The following DYSF variants were observed in gnomAD, a reference collection of about 807,000 sequenced individuals.
DYSF encodes the protein dysferlin.
Under a neutral mutation model 274.9 loss-of-function variants are expected in DYSF, and 212 were observed. The ratio of observed to expected loss-of-function variants is 0.77; its 90% CI spans 0.69 to 0.86. The LOEUF (loss-of-function observed/expected upper bound fraction) is 0.86. Among genes scored for constraint, DYSF ranks in the 40% least tolerant of loss-of-function variants. The probability of loss-of-function intolerance (pLI) is 0.00; values close to 1 mark genes in which losing one functional copy is unlikely to be tolerated. For synonymous variants in DYSF, 1,091 were observed against 1,078.7 expected (o/e 1.01, Z -0.22); for missense variants, 2,666 against 2,783.2 (o/e 0.96, Z 0.95).
intron 36 of DYSF, 127 bp from the exon 37 acceptor site, chr2:71,611,118 C>T (rs376745020): frequency 3.6e-5 from 28 of 786,772 alleles, no homozygotes; most frequent in East Asian, 2.9e-4. Context: ...TTGTCCACTT[C>T]TGTCTTTCCT....
At chr2:71,572,290 C>T (rs1477760563) in intron 29 of DYSF, among the ~76,000 whole-genome samples, 1 of 151,324 alleles carries the variant, frequency 6.6e-6, no homozygotes, top group Non-Finnish European at 1.5e-5. Context: ...ACACCTAGCA[C>T]ACCCACAGAT....
chr2:71,554,037 C>T (rs980170584), intron 21 of DYSF, 106 bp downstream of exon 21: 55 of 1,454,434 alleles, frequency 3.8e-5, no homozygotes, highest in South Asian at 2.1e-4. Flanking sequence ...CACTGACACA[C>T]GGCTGTGCCT....
chr2:71,562,561 C>T (rs918651968), intron 23 of DYSF, among the ~76,000 whole-genome samples: 2 of 152,176 alleles, frequency 1.3e-5, no homozygotes, highest in African/African-American at 2.4e-5. Flanking sequence ...TAGGCAGGTC[C>T]GGTATTTGTC....
At chr2:71,652,891 C>G (rs2094690633) in intron 42 of DYSF, among the ~76,000 whole-genome samples, 1 of 152,182 alleles carries the variant, frequency 6.6e-6, no homozygotes, top group African/African-American at 2.4e-5. Flanking sequence ...GAAGTTTAAA[C>G]AAATATGATG....
intron 3 of DYSF, among the ~76,000 whole-genome samples, chr2:71,485,191 G>A (rs59537638): frequency 0.3 from 45,968 of 152,046 alleles, 8,135 homozygotes; most frequent in East Asian, 0.84. Flanking sequence ...AAATGTGCAC[G>A]TACATTCATA....
intron 12 of DYSF, among the ~76,000 whole-genome samples, chr2:71,522,194 A>T (rs1480115536): frequency 7.8e-6 from 1 of 127,792 alleles, no homozygotes; most frequent in African/African-American, 3.0e-5. Context: ...ATTTCTCCCC[A>T]CCCCTCCTCT....
chr2:71,582,834 A>T (rs976553684), intron 30 of DYSF, among the ~76,000 whole-genome samples: 2 of 152,138 alleles, frequency 1.3e-5, no homozygotes, highest in East Asian at 3.9e-4. Flanking sequence ...TCACAGATAC[A>T]TGAGATGGAA....
At chr2:71,602,882 G>C in intron 36 of DYSF, 77 bp downstream of exon 36, 1 of 1,561,724 alleles carries the variant, frequency 6.4e-7, no homozygotes, top group Non-Finnish European at 8.7e-7. Context: ...CACACACCTG[G>C]AGCCTTCCAG....
intron 42 of DYSF, among the ~76,000 whole-genome samples, chr2:71,650,518 C>T (rs1458478919): frequency 6.6e-6 from 1 of 151,918 alleles, no homozygotes; most frequent in Non-Finnish European, 1.5e-5. Flanking sequence ...AATAAAAGGT[C>T]AGAGGATGTA....
rs1359069150 is a variant in DYSF, at chr2:71,643,290, A to G, written c.4528-675A>G. On this transcript the variant is annotated intron_variant, in intron 41 of 55. Transcript: ENST00000410020. ...TTTTCCTGCAAATAGGAGTGACTGG[A>G]GGAAGGATGCGGATGTCACACAGAA... Among the ~76,000 whole-genome samples the G allele has an allele frequency of 2.4e-4, 36 of 152,204 alleles. 1 individual carries two copies. Among genetic ancestry groups the G allele is most frequent in the Admixed American group, 2.4e-3 (36 of 15,284 alleles).
intron 40 of DYSF, among the ~76,000 whole-genome samples, chr2:71,614,228 G>A (rs77902384): frequency 0.016 from 2,369 of 152,278 alleles, 58 homozygotes; most frequent in African/African-American, 0.054. Context: ...TCTGTTCCAG[G>A]TTGTCACCCT....
chr2:71,469,828 C>T (rs1573305629), intron 1 of DYSF, among the ~76,000 whole-genome samples: 1 of 152,330 alleles, frequency 6.6e-6, no homozygotes, highest in South Asian at 2.1e-4. Flanking sequence ...ATTGTGTCAA[C>T]GAGCAGCTTA....
At chr2:71,645,240 A>T (rs1377885277) in intron 42 of DYSF, among the ~76,000 whole-genome samples, 1 of 152,054 alleles carries the variant, frequency 6.6e-6, no homozygotes, top group Non-Finnish European at 1.5e-5. Context: ...GTGGGCTTGG[A>T]GATTGAGTGC....
At chr2:71,622,153 C>A (rs2152897478) in intron 41 of DYSF, among the ~76,000 whole-genome samples, 1 of 21,390 alleles carries the variant, frequency 4.7e-5, no homozygotes, top group Non-Finnish European at 2.4e-4. Flanking sequence ...TTTTGTTACG[C>A]CCAGGTACAT....
At position 71,686,434 on chromosome 2, in the gene DYSF, T is replaced by A; in HGVS notation, c.6322-20T>A. On this transcript the variant is annotated intron_variant, in intron 55 of 55. Coordinates refer to ENST00000410020, the MANE Select transcript of DYSF (RefSeq NM_001130987.2). The stretch of plus-strand genomic sequence containing the variant: ...CCCCAGTGGGATCACCATGGGTCCC[T>A]GTCTCCTCCCTCCCTCCAGAACTAT... 1 of 1,613,952 alleles carries A rather than the reference T, an allele frequency of 6.2e-7. No individual in the cohort carries two copies. Among genetic ancestry groups the A allele is most frequent in the Non-Finnish European group, 8.5e-7 (1 of 1,180,020 alleles).
At chr2:71,605,975 A>G (rs1355156047) in intron 36 of DYSF, among the ~76,000 whole-genome samples, 1 of 152,152 alleles carries the variant, frequency 6.6e-6, no homozygotes, top group African/African-American at 2.4e-5. Context: ...CCGAGGAACC[A>G]GGATGTGACT....
In DYSF at chr2:71,665,367, G is replaced by C. The variant is rs1162203895; in HGVS notation, c.5317+63G>C. 3 of 1,608,600 alleles carry C rather than the reference G, an allele frequency of 1.9e-6. No homozygotes were observed. In the African/African-American group the frequency reaches 4.0e-5, roughly 21 times the overall value. On this transcript the variant is annotated intron_variant, in intron 47 of 55. Coordinates refer to ENST00000410020, the MANE Select transcript of DYSF (RefSeq NM_001130987.2). ...CGCTGTATCCCTCCCTCTCTCATCA[G>C]ACCCTCTGCTACCATAAAAGACCCA...
In DYSF at chr2:71,568,305, G is replaced by A. The variant is rs2152811441; in HGVS notation, c.2831G>A (p.Trp944Ter). ...DSFRPSAGWT[W>*]AGDWFVCPEK... ...TTCCGCCCCTCGGCCGGCTGGACCT[G>A]GGCTGGAGATTGGTTCGTGTGTCCG... The change falls in exon 26 of 56, where the codon TGG becomes TAG. Residue 944 changes from tryptophan to a stop codon, truncating the protein, a stop_gained. Transcript: ENST00000410020. LOFTEE classifies it high-confidence loss of function. The A allele has an allele frequency of 6.2e-7, 1 of 1,614,200 alleles. No homozygotes were observed.
At chr2:71,544,101 A>G (rs1308024904) in intron 17 of DYSF, among the ~76,000 whole-genome samples, 1 of 152,152 alleles carries the variant, frequency 6.6e-6, no homozygotes, top group Admixed American at 6.5e-5. Context: ...ATCTTCTTGT[A>G]CTCTACTGAG....
Sources: allele counts gnomAD v4.1 joint callset (sites outside exome capture counted in the v4.1 genomes callset), GRCh38; gene constraint gnomAD v4.1.1; transcripts MANE v1.5; gene names NCBI Gene and HGNC (gene_info 2026-07-23, HGNC 2026-07-21).